Variants in FMN1 observed in about 807,000 individuals in gnomAD.
FMN1 encodes the protein formin 1.
FMN1 carries 110 observed loss-of-function variants against 132.4 expected under a neutral mutation model. The ratio of observed to expected loss-of-function variants is 0.83; its 90% CI spans 0.71 to 0.97. The LOEUF (loss-of-function observed/expected upper bound fraction) is 0.97. FMN1 is among the 50% of genes least tolerant of loss of function. The pLI is 0.00. For synonymous variants in FMN1, 722 were observed against 651.7 expected (o/e 1.11, Z -1.64); for missense variants, 1,792 against 1,705.3 (o/e 1.05, Z -0.90).
intron 17 of FMN1, among the ~76,000 whole-genome samples, chr15:32,840,100 T>A (rs1434897320): frequency 6.6e-6 from 1 of 152,146 alleles, no homozygotes; most frequent in Non-Finnish European, 1.5e-5. Context: ...CAGAATGGGC[T>A]GGGGGCAGCT....
At chr15:32,905,344 G>A (rs2060396850) in intron 12 of FMN1, among the ~76,000 whole-genome samples, 1 of 152,238 alleles carries the variant, frequency 6.6e-6, no homozygotes, top group Non-Finnish European at 1.5e-5. Context: ...GTTGCAACCT[G>A]CATTCTTCGA....
At chr15:32,899,890 T>C in intron 14 of FMN1, 89 bp downstream of exon 14, 1 of 1,319,064 alleles carries the variant, frequency 7.6e-7, no homozygotes, top group Non-Finnish European at 1.1e-6. Context: ...TAGAGATAAA[T>C]GGAACAATCT....
At chr15:33,085,752 A>T (rs184934288) in intron 5 of FMN1, among the ~76,000 whole-genome samples, 1 of 152,266 alleles carries the variant, frequency 6.6e-6, no homozygotes, top group East Asian at 1.9e-4. Context: ...GGGAAAGGGT[A>T]TAGGAAAAAT....
chr15:33,186,866 C>T (rs1965905870), intron 2 of FMN1, among the ~76,000 whole-genome samples: 1 of 152,212 alleles, frequency 6.6e-6, no homozygotes, highest in South Asian at 2.1e-4. Context: ...TCACAGGTAT[C>T]TCCCTGGAGC....
intron 17 of FMN1, among the ~76,000 whole-genome samples, chr15:32,856,575 G>GA (rs1025049794): frequency 2.6e-5 from 4 of 152,194 alleles, no homozygotes; most frequent in African/African-American, 9.6e-5. Context: ...AAAAGGAATG[G>GA]AAAATATAAC....
intron 16 of FMN1, among the ~76,000 whole-genome samples, chr15:32,867,226 T>G (rs2059411472): frequency 6.6e-6 from 1 of 152,226 alleles, no homozygotes; most frequent in African/African-American, 2.4e-5. Context: ...AATCTCATTA[T>G]GCCAGTCCCC....
intron 3 of FMN1, among the ~76,000 whole-genome samples, chr15:33,175,646 T>C (rs774992571): frequency 6.6e-5 from 10 of 152,208 alleles, no homozygotes; most frequent in Non-Finnish European, 1.0e-4. Context: ...ATATATTTTC[T>C]GGCCTGACAA....
At chr15:33,090,302 G>A (rs1345907123) in intron 4 of FMN1, among the ~76,000 whole-genome samples, 4 of 152,102 alleles carry the variant, frequency 2.6e-5, no homozygotes, top group African/African-American at 9.7e-5. Flanking sequence ...TGACTTACAC[G>A]AAACTAGAGC....
At chr15:32,998,230 AC>A (rs1555376137) in intron 7 of FMN1, among the ~76,000 whole-genome samples, 1 of 152,178 alleles carries the variant, frequency 6.6e-6, no homozygotes, top group Non-Finnish European at 1.5e-5. Flanking sequence ...TCCTAATGCT[AC>A]CCCCCAAATA....
At chr15:32,912,309 C>G (rs900114080) in intron 10 of FMN1, among the ~76,000 whole-genome samples, 4 of 152,122 alleles carry the variant, frequency 2.6e-5, no homozygotes, top group Non-Finnish European at 4.4e-5. Flanking sequence ...TGTTCAGTAG[C>G]AGAAAAATAA....
intron 5 of FMN1, chr15:33,066,774 T>A (rs748991469): frequency 1.9e-6 from 3 of 1,613,974 alleles, no homozygotes; most frequent in East Asian, 2.2e-5. Context: ...TTGCAGCCCA[T>A]CTCTTCTCTC....
chr15:33,151,774 A>C (rs1480181907), intron 4 of FMN1, among the ~76,000 whole-genome samples: 1 of 151,776 alleles, frequency 6.6e-6, no homozygotes, highest in Non-Finnish European at 1.5e-5. Flanking sequence ...AAGAATTTTC[A>C]TCACTAGGGT....
chr15:33,030,319 T>C lies in FMN1; in HGVS notation c.2162-22244A>G, dbSNP rs569876439. Reference sequence around the variant, plus strand: ...TATCCCAGTGTTCATTAAAAGAAAATAGAGACCAGAGACCTGGTAGGTCAA... The same window carrying C: ...TATCCCAGTGTTCATTAAAAGAAAACAGAGACCAGAGACCTGGTAGGTCAA... On this transcript the variant is annotated intron_variant, in intron 6 of 20. Coordinates refer to ENST00000616417, the MANE Select transcript of FMN1 (RefSeq NM_001277313.2). 3.0e-4 allele frequency among the ~76,000 whole-genome samples: 46 copies of C among 152,176 alleles called. 1 individual carries two copies. In the South Asian group the frequency reaches 4.4e-3, roughly 14 times the overall value.
chr15:33,056,579 C>A lies in FMN1; in HGVS notation c.2161+8378G>T, dbSNP rs780615193. On this transcript the variant is annotated intron_variant, in intron 6 of 20. Coordinates refer to ENST00000616417, the MANE Select transcript of FMN1 (RefSeq NM_001277313.2). ...GTAGGCTACAGTCTGTTTACACCTC[C>A]ATTTGGGTTACAGTTCACTATGTAC... Among the ~76,000 whole-genome samples the A allele has an allele frequency of 8.5e-5, 13 of 152,178 alleles. 1 individual carries two copies. Among genetic ancestry groups the A allele is most frequent in the Non-Finnish European group, 1.6e-4 (11 of 68,032 alleles).
At chr15:32,798,429 G>A (rs993072573) in intron 19 of FMN1, among the ~76,000 whole-genome samples, 8 of 152,184 alleles carry the variant, frequency 5.3e-5, no homozygotes, top group African/African-American at 1.7e-4. Context: ...GTATATTAAT[G>A]GGAAAAGCAT....
In FMN1 at chr15:33,154,770, T is replaced by C. The variant is rs16965807; in HGVS notation, c.145A>G (p.Asn49Asp). 2,407 of 1,536,114 alleles carry C rather than the reference T, an allele frequency of 1.6e-3. 32 individuals carry two copies. The African/African-American group carries it at 0.028, about 18-fold the overall frequency. The change falls in exon 4 of 21, where the codon AAC becomes GAC. Residue 49 changes from asparagine to aspartate, a missense_variant. Asn to Asp is a conservative substitution (Grantham distance 23, BLOSUM62 1). Transcript: ENST00000616417. ...GACTCCTCCCTGACTTGGTAGCAGT[T>C]ATGAAAACCTTTATTGGATCTGTCT... ...TLDRSNKGFHNCYQVREESDI... is the reference protein window; with the variant it reads ...TLDRSNKGFHDCYQVREESDI...
chr15:32,862,024 G>C (rs920202552), intron 16 of FMN1, among the ~76,000 whole-genome samples: 1 of 152,134 alleles, frequency 6.6e-6, no homozygotes, highest in African/African-American at 2.4e-5. Flanking sequence ...CAAAGGAGAG[G>C]GCTGCCCTCC....
At chr15:32,888,783 T>C (rs974099789) in intron 15 of FMN1, among the ~76,000 whole-genome samples, 1 of 152,078 alleles carries the variant, frequency 6.6e-6, no homozygotes, top group Non-Finnish European at 1.5e-5. Context: ...CACCTTTCTC[T>C]GTGGCTTAAA....
chr15:32,901,743 T>A (rs2060301677), intron 13 of FMN1, among the ~76,000 whole-genome samples, 168 bp downstream of exon 13: 9 of 152,028 alleles, frequency 5.9e-5, no homozygotes, highest in Admixed American at 5.9e-4. Flanking sequence ...TTTCTCTCCC[T>A]CTCTCTCATA....
Sources: allele counts gnomAD v4.1 joint callset (sites outside exome capture counted in the v4.1 genomes callset), GRCh38; gene constraint gnomAD v4.1.1; transcripts MANE v1.5; gene names NCBI Gene and HGNC (gene_info 2026-07-23, HGNC 2026-07-21).